The following LPIN3 variants were observed in gnomAD, a reference collection of about 807,000 sequenced individuals.
LPIN3 encodes lipin 3.
LPIN3 carries 82 observed loss-of-function variants against 94.7 expected under a neutral mutation model. The observed-to-expected ratio is 0.87, with a 90% CI of 0.72 to 1.04. The LOEUF (loss-of-function observed/expected upper bound fraction) is 1.04. LPIN3 is among the 50% of genes least tolerant of loss of function. The pLI is 0.00. For missense variants in LPIN3, 996 were observed against 1,090.5 expected, an observed-to-expected ratio of 0.91 and a Z score of 1.22; for synonymous variants, 418 against 443.3, an observed-to-expected ratio of 0.94 and a Z score of 0.72.
chr20:41,342,819 C>T (rs2045634272), intron 1 of LPIN3, among the ~76,000 whole-genome samples: 1 of 152,166 alleles, frequency 6.6e-6, no homozygotes, highest in Non-Finnish European at 1.5e-5. Flanking sequence ...ACTCCCGTGA[C>T]ATTAGATCTG....
rs1419142515 is a variant in LPIN3 at position 41,358,354 on chromosome 20, G to A, written c.2307+3G>A. On this transcript the variant is annotated splice_donor_region_variant and intron_variant, in intron 18 of 19. Transcript: ENST00000373257. The stretch of plus-strand genomic sequence containing the variant: ...CTGCCTTTGGGAATAGGCCCAATGT[G>A]AGTGTGTCCCCTCCACTCTGCTGAG... The A allele has an allele frequency of 1.9e-6, 3 of 1,613,968 alleles. No individual in the cohort carries two copies. In the Admixed American group the frequency reaches 5.0e-5, roughly 27 times the overall value.
rs138855546 is a variant in LPIN3 at position 41,345,933 on chromosome 20, C to T, written c.130C>T (p.Arg44Trp). The T allele has an allele frequency of 1.5e-4, 245 of 1,614,142 alleles. 1 individual carries two copies. In the East Asian group the frequency reaches 5.0e-3, roughly 33 times the overall value. ...LVVKQVDGSF[R>W]CSPFHVRFGK... ...GGTGAAGCAGGTGGACGGCTCGTTC[C>T]GGTGCTCACCCTTCCACGTGCGTTT... The change falls in exon 2 of 20, where the codon CGG becomes TGG. Residue 44 changes from arginine to tryptophan, a missense_variant. Coordinates refer to ENST00000373257, the MANE Select transcript of LPIN3 (RefSeq NM_022896.3).
At position 41,353,487 on chromosome 20, in the gene LPIN3, A is replaced by G. The variant is rs1019657428; in HGVS notation, c.1527+620A>G. Among the ~76,000 whole-genome samples the G allele has an allele frequency of 9.8e-5, 15 of 152,326 alleles. No individual in the cohort carries two copies. The East Asian group carries it at 2.9e-3, about 29-fold the overall frequency. On this transcript the variant is annotated intron_variant, in intron 11 of 19. Transcript: ENST00000373257. ...TGCAGTGCTTGCAGAGCCTATGGCA[A>G]GGGGGTTTGATAAGCAAGTGCCCGC...
At chr20:41,350,573 C>T (rs1299890519) in intron 7 of LPIN3, among the ~76,000 whole-genome samples, 176 bp downstream of exon 7, 2 of 152,044 alleles carry the variant, frequency 1.3e-5, no homozygotes, top group African/African-American at 2.4e-5. Flanking sequence ...TGTGGAAGGG[C>T]GTGCCACAGG....
At chr20:41,354,931 G>C in intron 13 of LPIN3, 68 bp downstream of exon 13, 1 of 1,484,220 alleles carries the variant, frequency 6.7e-7, no homozygotes, top group Non-Finnish European at 9.1e-7. Flanking sequence ...GTGCAGGTGG[G>C]TGGCAGGGAG....
chr20:41,351,012 G>T (rs1410210122), intron 7 of LPIN3, among the ~76,000 whole-genome samples: 1 of 152,052 alleles, frequency 6.6e-6, no homozygotes, highest in Admixed American at 6.5e-5. Flanking sequence ...TTGGAAGGCT[G>T]AGGTGGGAAG....
intron 1 of LPIN3, among the ~76,000 whole-genome samples, chr20:41,342,766 C>A (rs1277507910): frequency 6.6e-6 from 1 of 152,070 alleles, no homozygotes; most frequent in Non-Finnish European, 1.5e-5. Flanking sequence ...TGGGGGACAT[C>A]CATTGGTGAA....
In LPIN3 at chr20:41,360,069, C is replaced by G. The variant is rs6102376; in HGVS notation, c.*1203C>G. 6.5e-6 allele frequency: 1 copy of G among 152,704 alleles called. No individual in the cohort carries two copies. The highest frequency in any genetic ancestry group is 1.5e-5 in the Non-Finnish European group (1 of 68,110). The allele number at this position is 152,704 out of a possible 1,614,324, so 9.5% of individuals were successfully genotyped here. ...GAACCAAAGGCAGGGCTGTGGGGAC[C>G]TGAAGAGCAGCACAGTGGGGCCCGT... On this transcript the variant is annotated 3_prime_UTR_variant, in exon 20 of 20. Transcript: ENST00000373257.
chr20:41,354,128 A>AT (rs2046123769), intron 11 of LPIN3, among the ~76,000 whole-genome samples: 1 of 152,092 alleles, frequency 6.6e-6, no homozygotes, highest in Non-Finnish European at 1.5e-5. Context: ...TCTAATCAGC[A>AT]TTTTTTCACA....
chr20:41,346,055 C>A (rs1045638045), intron 2 of LPIN3, 60 bp downstream of exon 2: 23 of 1,544,718 alleles, frequency 1.5e-5, no homozygotes, highest in Non-Finnish European at 1.9e-5. Context: ...GCTGGGGCAG[C>A]CACTACAGTC....
rs761635695 is a variant in LPIN3 at position 41,358,829 on chromosome 20, A to T, written c.2519A>T (p.Glu840Val). The change falls in exon 20 of 20, where the codon GAG (glutamate) becomes GTG (valine). Residue 840 changes from glutamate to valine, a missense_variant. By Grantham distance (121) the Glu-to-Val change is moderately radical. Transcript: ENST00000373257. ...TACAGTAACTTCTGCTACTGGCGGG[A>T]GCCACTGCCTGCTGTGGACCTTGAT... ...PEYSNFCYWR[E>V]PLPAVDLDTL... 5.6e-6 allele frequency: 9 copies of T among 1,613,176 alleles called. No individual in the cohort carries two copies. The highest frequency in any genetic ancestry group is 1.1e-5 in the South Asian group (1 of 91,050).
At chr20:41,357,311 G>A (rs1274023218) in intron 15 of LPIN3, 50 bp from the exon 16 acceptor site, 1 of 1,605,244 alleles carries the variant, frequency 6.2e-7, no homozygotes, top group South Asian at 1.1e-5. Context: ...TGGGGCTGGA[G>A]CTGGGCCACG....
At position 41,358,948 on chromosome 20, in the gene LPIN3, G is replaced by C. The variant is rs1338631530; in HGVS notation, c.*82G>C. 1 of 1,533,564 alleles carries C rather than the reference G, an allele frequency of 6.5e-7. No individual in the cohort carries two copies. The highest frequency in any genetic ancestry group is 8.8e-7 in the Non-Finnish European group (1 of 1,133,694). 95.0% of individuals were successfully genotyped at this position (1,533,564 alleles called of 1,614,324 possible). A position where few individuals can be genotyped will look rare whatever the true frequency, so the allele number is the denominator to read the frequency against. On this transcript the variant is annotated 3_prime_UTR_variant, in exon 20 of 20. Coordinates refer to ENST00000373257, the MANE Select transcript of LPIN3 (RefSeq NM_022896.3). ...GGGGTATAGGAGGGTGGGAATTGGA[G>C]TGTCATGGGGCAAACCCACTGAAGG... is the stretch of plus-strand genomic sequence containing the variant.
At chr20:41,350,441 C>G (rs147019839) in intron 7 of LPIN3, 44 bp downstream of exon 7, 26 of 1,465,142 alleles carry the variant, frequency 1.8e-5, no homozygotes, top group Admixed American at 2.3e-5. Flanking sequence ...TGGCCTCGCT[C>G]TGTCCCCTGG....
At position 41,352,648 on chromosome 20, in the gene LPIN3, A is replaced by C. The variant is rs914023695; in HGVS notation, c.1406A>C (p.Lys469Thr). The C allele has an allele frequency of 2.5e-6, 4 of 1,614,092 alleles. No individual in the cohort carries two copies. Among genetic ancestry groups the C allele is most frequent in the African/African-American group, 1.3e-5 (1 of 74,928 alleles). Residue 469 changes from lysine to threonine, a missense_variant, in exon 10 of 20, where the codon AAA becomes ACA. By Grantham distance (78) the Lys-to-Thr change is moderately conservative. Transcript: ENST00000373257. ...QHSVSYQDLT[K>T]NPGLLDDPNL... ...AGCGTCTCTTACCAGGACCTCACCA[A>C]AAACCCCGGACTTTTGGATGACCCA...
At chr20:41,349,553 TCCTC>T (rs1295713286) in intron 5 of LPIN3, among the ~76,000 whole-genome samples, 1 of 150,304 alleles carries the variant, frequency 6.7e-6, no homozygotes, top group Non-Finnish European at 1.5e-5. Context: ...CTTCCTTCCT[TCCTC>T]CCTCCCATCC....
rs73907142 is a variant in LPIN3, at chr20:41,352,364, C to T, written c.1363+144C>T. 2.1e-3 allele frequency: 2,080 copies of T among 1,008,808 alleles called. 23 individuals are homozygous for T. In the African/African-American group the frequency reaches 0.03, roughly 14 times the overall value. 62.5% of individuals were successfully genotyped at this position (1,008,808 alleles called of 1,614,324 possible). ...TCTCTGCCCTGTGCAGTCCACACTC[C>T]GCCAGCAGGGGCTGGACCTTCCCAA... is the stretch of plus-strand genomic sequence containing the variant. On this transcript the variant is annotated intron_variant, in intron 9 of 19. Coordinates refer to ENST00000373257, the MANE Select transcript of LPIN3 (RefSeq NM_022896.3).
At chr20:41,344,162 A>G (rs1382345900) in intron 1 of LPIN3, among the ~76,000 whole-genome samples, 3 of 152,192 alleles carry the variant, frequency 2.0e-5, no homozygotes, top group Non-Finnish European at 4.4e-5. Flanking sequence ...CTCCCAGGTG[A>G]TGCTGATGCT....
intron 7 of LPIN3, among the ~76,000 whole-genome samples, chr20:41,350,815 C>T (rs1031314405): frequency 3.9e-5 from 6 of 152,110 alleles, no homozygotes; most frequent in African/African-American, 9.7e-5. Flanking sequence ...AAATGGAAGA[C>T]GGCCGGGATA....
Sources: allele counts gnomAD v4.1 joint callset (sites outside exome capture counted in the v4.1 genomes callset), GRCh38; gene constraint gnomAD v4.1.1; transcripts MANE v1.5; gene names NCBI Gene and HGNC (gene_info 2026-07-23, HGNC 2026-07-21).